Variants in EPHA8 observed in about 807,000 individuals in gnomAD.
EPHA8 encodes EPH receptor A8.
In EPHA8, 58 loss-of-function variants were observed where a neutral mutation model predicts 103.6. The ratio of observed to expected loss-of-function variants is 0.56; its 90% CI spans 0.45 to 0.70. EPHA8 has a LOEUF of 0.70. Among genes scored for constraint, EPHA8 ranks in the 30% least tolerant of loss-of-function variants. The pLI, the probability that EPHA8 is intolerant of heterozygous loss-of-function variation, is 0.00. For missense variants in EPHA8, 1,304 were observed against 1,395.2 expected (o/e 0.93, Z 1.04); for synonymous variants, 559 against 572.5 (o/e 0.98, Z 0.34).
intron 3 of EPHA8, among the ~76,000 whole-genome samples, 170 bp downstream of exon 3, chr1:22,577,050 G>A (rs1640728894): frequency 6.6e-6 from 1 of 152,180 alleles, no homozygotes; most frequent in African/African-American, 2.4e-5. Flanking sequence ...AATATGCGAG[G>A]CCACCTGTGT....
rs200970802 is a variant in EPHA8 at position 22,578,971 on chromosome 1, ATG to A, written c.823+2098_823+2099del. On this transcript the variant is annotated intron_variant, in intron 3 of 16. Transcript: ENST00000166244. ...TGCATGTGTGTCCATGTGTATGTTCATGTGTGTGAGTGTATGTGTGCATGTGT... is the reference window on the plus strand; with the variant it reads ...TGCATGTGTGTCCATGTGTATGTTCATGTGTGAGTGTATGTGTGCATGTGT... Among the ~76,000 whole-genome samples the A allele has an allele frequency of 4.5e-4, 64 of 142,388 alleles. 1 individual carries two copies. Among genetic ancestry groups the A allele is most frequent in the South Asian group, 4.4e-3 (20 of 4,524 alleles). The allele number at this position is 142,388 out of a possible 152,430, so 93.4% of individuals were successfully genotyped here. A position where few individuals can be genotyped will look rare whatever the true frequency, so the allele number is the denominator to read the frequency against.
intron 4 of EPHA8, among the ~76,000 whole-genome samples, chr1:22,587,451 G>T (rs918039551): frequency 6.6e-6 from 1 of 152,182 alleles, no homozygotes; most frequent in African/African-American, 2.4e-5. Flanking sequence ...AGAGGGTGTG[G>T]CTGCATGTGC....
At position 22,580,213 on chromosome 1, in the gene EPHA8, C is replaced by G. The variant is rs1641008658; in HGVS notation, c.823+3333C>G. ...GGAGTGCAATGGGGTGATCTCAGCTCTCTGCAACCTCCGCCTCCCGGTTCA... is the reference window on the plus strand; with the variant it reads ...GGAGTGCAATGGGGTGATCTCAGCTGTCTGCAACCTCCGCCTCCCGGTTCA... On this transcript the variant is annotated intron_variant, in intron 3 of 16. Transcript: ENST00000166244. 2.2e-5 allele frequency among the ~76,000 whole-genome samples: 3 copies of G among 137,768 alleles called. No homozygotes were observed. In the East Asian group the frequency reaches 6.7e-4, roughly 31 times the overall value. The allele number at this position is 137,768 out of a possible 152,430, so 90.4% of individuals were successfully genotyped here. A position where few individuals can be genotyped will look rare whatever the true frequency, so the allele number is the denominator to read the frequency against.
rs756867598 is a variant in EPHA8, at chr1:22,601,614, C to T, written c.2904-13C>T. On this transcript the variant is annotated splice_polypyrimidine_tract_variant and intron_variant, in intron 16 of 16. Coordinates refer to ENST00000166244, the MANE Select transcript of EPHA8 (RefSeq NM_020526.5). Reference sequence around the variant, plus strand: ...CCCAGGCCCAGCTGGCCAGCAGCACCCTTCCTTCACAGGGACGTGCGCGCC... The same window carrying T: ...CCCAGGCCCAGCTGGCCAGCAGCACTCTTCCTTCACAGGGACGTGCGCGCC... 1.9e-6 allele frequency: 3 copies of T among 1,585,752 alleles called. No individual in the cohort carries two copies. Among genetic ancestry groups the T allele is most frequent in the Non-Finnish European group, 2.6e-6 (3 of 1,166,242 alleles).
At position 22,597,524 on chromosome 1, in the gene EPHA8, G is replaced by A. The variant is rs770977752; in HGVS notation, c.1930+48G>A. The A allele has an allele frequency of 2.5e-6, 4 of 1,590,118 alleles. No individual in the cohort carries two copies. The highest frequency in any genetic ancestry group is 1.7e-5 in the Admixed American group (1 of 58,366). On this transcript the variant is annotated intron_variant, in intron 10 of 16. Coordinates refer to ENST00000166244, the MANE Select transcript of EPHA8 (RefSeq NM_020526.5). This position sits in a 1 kb window ranked among gnomAD's most constrained non-coding sequence, Gnocchi z 4.6. ...GCGGGGCCAGCATGGGGCAAGGTGG[G>A]GGCACCCAGGGCAAGGTGGGGGCAC...
At chr1:22,584,231 C>CG (rs879716014) in intron 3 of EPHA8, among the ~76,000 whole-genome samples, 4 of 152,138 alleles carry the variant, frequency 2.6e-5, no homozygotes, top group Admixed American at 6.5e-5. Context: ...CTGAGCCTCC[C>CG]GGGGGGCTTC....
At chr1:22,574,532 A>G (rs1487685177) in intron 2 of EPHA8, among the ~76,000 whole-genome samples, 1 of 152,322 alleles carries the variant, frequency 6.6e-6, no homozygotes, top group Non-Finnish European at 1.5e-5. Context: ...AAATCTGACT[A>G]TCTAGGTACT....
At chr1:22,582,968 T>A (rs186695751) in intron 3 of EPHA8, among the ~76,000 whole-genome samples, 5 of 152,372 alleles carry the variant, frequency 3.3e-5, no homozygotes, top group Admixed American at 3.3e-4. Flanking sequence ...CTGACTGTGT[T>A]TAAAATCTGA....
chr1:22,566,762 C>A lies in EPHA8; in HGVS notation c.95-2527C>A, dbSNP rs533263877. Among the ~76,000 whole-genome samples, 6 of 152,198 alleles carry A rather than the reference C, an allele frequency of 3.9e-5. No homozygotes were observed. In the South Asian group the frequency reaches 1.2e-3, roughly 32 times the overall value. On this transcript the variant is annotated intron_variant, in intron 1 of 16. Coordinates refer to ENST00000166244, the MANE Select transcript of EPHA8 (RefSeq NM_020526.5). ...GGGACCCAGGCCCAGGCTGGGTGGGCCTAATGGTGGCGTTCTCTTCAGCAC... is the reference window on the plus strand; with the variant it reads ...GGGACCCAGGCCCAGGCTGGGTGGGACTAATGGTGGCGTTCTCTTCAGCAC...
At chr1:22,579,846 T>C (rs1640991030) in intron 3 of EPHA8, among the ~76,000 whole-genome samples, 1 of 152,212 alleles carries the variant, frequency 6.6e-6, no homozygotes, top group Non-Finnish European at 1.5e-5. Flanking sequence ...AATATGCTTC[T>C]AGCCCTTTGC....
Position 22,593,333 on chromosome 1 carries a change from C to A in EPHA8, c.1323C>A (p.Ser441=). ...CGGGATTGGCCGCCCCAGCCCCGTC[C>A]CAGGTGGTGGTGATCCGTCAAGAGC... is the stretch of plus-strand genomic sequence containing the variant. ...VNITTNQAAP[S]QVVVIRQERA... Residue 441 remains serine (S), a synonymous_variant, in exon 6 of 17, where the codon TCC becomes TCA. Coordinates refer to ENST00000166244, the MANE Select transcript of EPHA8 (RefSeq NM_020526.5). 6.4e-7 allele frequency: 1 copy of A among 1,569,368 alleles called. No individual in the cohort carries two copies.
Position 22,577,806 on chromosome 1 carries a change from ATGTGTGCATG to A in EPHA8, c.823+941_823+950del, listed in dbSNP as rs1171995258. On this transcript the variant is annotated intron_variant, in intron 3 of 16. Transcript: ENST00000166244. ...CATGTGTGCGTGTGTGCGTAAGTGT[ATGTGTGCATG>A]TGTGTGCATGTGTGCGTGTGTGCAT... 7.5e-4 allele frequency among the ~76,000 whole-genome samples: 100 copies of A among 132,742 alleles called. 2 individuals carry two copies. Among genetic ancestry groups the A allele is most frequent in the South Asian group, 4.5e-3 (18 of 3,964 alleles). The allele number at this position is 132,742 out of a possible 152,430, so 87.1% of individuals were successfully genotyped here.
At chr1:22,579,104 T>C (rs1265046612) in intron 3 of EPHA8, among the ~76,000 whole-genome samples, 89 of 121,176 alleles carry the variant, frequency 7.3e-4, no homozygotes, top group Non-Finnish European at 1.3e-3. Context: ...TGCATGTGTA[T>C]GTGTGCATGT....
rs757341145 is a variant in EPHA8 at position 22,576,914 on chromosome 1, G to A, written c.823+34G>A. 1.2e-5 allele frequency: 18 copies of A among 1,549,524 alleles called. No individual in the cohort carries two copies. Among genetic ancestry groups the A allele is most frequent in the Middle Eastern group, 2.4e-4 (1 of 4,190 alleles). ...GCCATGGCCTGGGCATGGGTCAGCC[G>A]GCAGCGGTGCTTGGTCTTGGCAGGG... is the stretch of plus-strand genomic sequence containing the variant. On this transcript the variant is annotated intron_variant, in intron 3 of 16. Coordinates refer to ENST00000166244, the MANE Select transcript of EPHA8 (RefSeq NM_020526.5). This position sits in a 1 kb window ranked among gnomAD's most constrained non-coding sequence, Gnocchi z 4.8.
intron 5 of EPHA8, among the ~76,000 whole-genome samples, chr1:22,590,309 C>T (rs1310534779): frequency 6.6e-6 from 1 of 152,176 alleles, no homozygotes; most frequent in Non-Finnish European, 1.5e-5. Flanking sequence ...CAGGCAGCAT[C>T]CGGGATGCCC....
intron 3 of EPHA8, among the ~76,000 whole-genome samples, chr1:22,578,219 AGT>A (rs1491083134): frequency 0.018 from 939 of 50,908 alleles, 7 homozygotes; most frequent in East Asian, 0.086. Flanking sequence ...TGTGCGTGTG[AGT>A]GTGCATGTGT....
intron 5 of EPHA8, among the ~76,000 whole-genome samples, chr1:22,591,742 T>G (rs1449897536): frequency 3.3e-5 from 5 of 152,098 alleles, no homozygotes; most frequent in South Asian, 2.1e-4. Flanking sequence ...CACTGGGTCT[T>G]TCCCTGCTGC....
At chr1:22,587,227 G>C (rs1270538088) in intron 4 of EPHA8, among the ~76,000 whole-genome samples, 1 of 152,270 alleles carries the variant, frequency 6.6e-6, no homozygotes, top group Admixed American at 6.5e-5. Context: ...TTGGATGCCT[G>C]CATGTAAATG....
chr1:22,600,744 C>T lies in EPHA8; in HGVS notation c.2472C>T (p.Phe824=), dbSNP rs375075754. The T allele has an allele frequency of 2.0e-4, 329 of 1,613,190 alleles. No individual in the cohort carries two copies. Among genetic ancestry groups the T allele is most frequent in the Admixed American group, 1.0e-4 (6 of 59,932 alleles). Residue 824 remains phenylalanine (F), a synonymous_variant, in exon 14 of 17, where the codon TTC becomes TTT. Transcript: ENST00000166244. ...CCTCGGCCAGCGACGTGTGGAGCTT[C>T]GGCGTGGTCATGTGGGAGGTGCTGG... ...TFSSASDVWS[F]GVVMWEVLAY...
Sources: allele counts gnomAD v4.1 joint callset (sites outside exome capture counted in the v4.1 genomes callset), GRCh38; gene constraint gnomAD v4.1.1; non-coding constraint Gnocchi (gnomAD v3.1); transcripts MANE v1.5; gene names NCBI Gene and HGNC (gene_info 2026-07-23, HGNC 2026-07-21).